The following LCT variants were observed in gnomAD, a reference collection of about 807,000 sequenced individuals.
The protein encoded by LCT is lactase, also known as lactase/phlorizin hydrolase.
Under a neutral mutation model 173.0 loss-of-function variants are expected in LCT, and 90 were observed. That is an observed-to-expected ratio of 0.52 (90% confidence interval 0.44 to 0.62). LCT has a LOEUF of 0.62. LCT is among the 20% of genes least tolerant of loss of function. LCT has a pLI of 0.00. For synonymous variants in LCT, 853 were observed against 957.6 expected (o/e 0.89, Z 2.02); for missense variants, 1,864 against 2,431.4 (o/e 0.77, Z 4.91).
In LCT at chr2:135,808,687, C is replaced by A. The variant is rs141075124; in HGVS notation, c.3660G>T (p.Arg1220Ser). The A allele has an allele frequency of 3.9e-5, 63 of 1,614,074 alleles. No individual in the cohort carries two copies. The highest frequency in any genetic ancestry group is 5.2e-5 in the Non-Finnish European group (61 of 1,180,046). The change falls in exon 8 of 17, where the codon AGG (arginine) becomes AGT (serine). Residue 1220 changes from arginine (R) to serine (S), a missense_variant. Arg to Ser is a moderately radical substitution (Grantham distance 110, BLOSUM62 -1). Coordinates refer to ENST00000264162, the MANE Select transcript of LCT (RefSeq NM_002299.4). Reference protein sequence around the residue: ...YSRIVQHKTPRLNPPSYEDDQ... With the variant: ...YSRIVQHKTPSLNPPSYEDDQ... ...CGTCTTCGTAGGAGGGTGGGTTTAG[C>A]CTGGGTGTTTTGTGCTGCACGATTC...
At chr2:135,796,197 T>C (rs2077580433) in intron 13 of LCT, among the ~76,000 whole-genome samples, 1 of 152,238 alleles carries the variant, frequency 6.6e-6, no homozygotes, top group Non-Finnish European at 1.5e-5. Context: ...ACCTGGGGCT[T>C]CTGGTTTAGG....
At chr2:135,835,529 TATC>T (rs2077981199) in intron 1 of LCT, among the ~76,000 whole-genome samples, 2 of 126,178 alleles carry the variant, frequency 1.6e-5, no homozygotes, top group African/African-American at 6.1e-5. Context: ...TATATATATA[TATC>T]AGGTACTATA....
intron 4 of LCT, 41 bp downstream of exon 4, chr2:135,823,860 C>G (rs778207701): frequency 3.1e-6 from 4 of 1,301,782 alleles, no homozygotes; most frequent in Non-Finnish European, 4.5e-6. Context: ...CACCAGTGCA[C>G]CAGATGTCAC....
At chr2:135,804,708 C>T in intron 10 of LCT, 59 bp downstream of exon 10, 1 of 1,487,360 alleles carries the variant, frequency 6.7e-7, no homozygotes, top group Non-Finnish European at 9.4e-7. Context: ...ATGTGCTCCC[C>T]CAGCCCTGCT....
intron 5 of LCT, among the ~76,000 whole-genome samples, chr2:135,818,529 A>G (rs1422538981): frequency 6.6e-6 from 1 of 152,208 alleles, no homozygotes; most frequent in East Asian, 1.9e-4. Context: ...CATCCTACAC[A>G]GGAGGAAACT....
Position 135,807,270 on chromosome 2 carries a change from C to T in LCT, c.4031G>A (p.Arg1344Lys), listed in dbSNP as rs2077684294. 1 of 1,614,110 alleles carries T rather than the reference C, an allele frequency of 6.2e-7. No homozygotes were observed. The highest frequency in any genetic ancestry group is 1.7e-5 in the Admixed American group (1 of 60,004). Residue 1344 changes from arginine to lysine, a missense_variant, in exon 9 of 17, where the codon AGG becomes AAG. By Grantham distance (26) the Arg-to-Lys change is conservative (BLOSUM62 2). Around this residue, in one of 4 missense-constraint regions of LCT, gnomAD observed 514 missense variants for 750.1 expected, o/e 0.69. Coordinates refer to ENST00000264162, the MANE Select transcript of LCT (RefSeq NM_002299.4). ...LYHVDFNNTN[R>K]PRTARASARY... is the part of the protein sequence containing the mutation. Reference sequence around the variant, plus strand: ...GGCGGAGGCTCTTGCTGTGCGAGGCCTGTTCGTGTTGTTGAAATCAACATG... The same window carrying T: ...GGCGGAGGCTCTTGCTGTGCGAGGCTTGTTCGTGTTGTTGAAATCAACATG...
At chr2:135,816,993 T>A (rs142141958) in intron 6 of LCT, among the ~76,000 whole-genome samples, 2,461 of 152,088 alleles carry the variant, frequency 0.016, 59 homozygotes, top group African/African-American at 0.056. Context: ...CTCAGTCTCC[T>A]GGGTAGGTGG....
At chr2:135,793,599 CAGCTATGGATCCAAACCAAGA>C (rs2077551397) in intron 14 of LCT, among the ~76,000 whole-genome samples, 1 of 152,146 alleles carries the variant, frequency 6.6e-6, no homozygotes, top group South Asian at 2.1e-4. Context: ...ACTAACTCTC[CAGCTATGGATCCAAACCAAGA>C]AGAAATCTCT....
In LCT at chr2:135,788,410, A is replaced by G. The variant is rs575817023; in HGVS notation, c.5698T>C (p.Phe1900Leu). 1 of 1,614,210 alleles carries G rather than the reference A, an allele frequency of 6.2e-7. No individual in the cohort carries two copies. The change falls in exon 17 of 17, where the codon TTT (phenylalanine) becomes CTT (leucine). Residue 1900 changes from phenylalanine (F) to leucine (L), a missense_variant. Transcript: ENST00000264162. Reference sequence around the variant, plus strand: ...CGCTTGCAGTACTTGTATGACAGAAATGCCAAGCCACAGACTCCAAGAAGC... The same window carrying G: ...CGCTTGCAGTACTTGTATGACAGAAGTGCCAAGCCACAGACTCCAAGAAGC... The part of the protein sequence containing the change: ...LVLLGVCGLA[F>L]LSYKYCKRSK...
chr2:135,811,576 G>A (rs1241401501), intron 7 of LCT, among the ~76,000 whole-genome samples: 1 of 152,072 alleles, frequency 6.6e-6, no homozygotes, highest in South Asian at 2.1e-4. Context: ...TGTGGCTGGA[G>A]CAATGAGGGA....
chr2:135,831,430 G>T (rs1280380258), intron 2 of LCT, among the ~76,000 whole-genome samples: 1 of 152,112 alleles, frequency 6.6e-6, no homozygotes, highest in Non-Finnish European at 1.5e-5. Context: ...AGGGTCCTGT[G>T]GGATTCGTCC....
chr2:135,811,538 A>T (rs2077734346), intron 7 of LCT, among the ~76,000 whole-genome samples: 1 of 152,196 alleles, frequency 6.6e-6, no homozygotes, highest in African/African-American at 2.4e-5. Context: ...TGTAGATTTT[A>T]TAGCCAATTA....
intron 14 of LCT, among the ~76,000 whole-genome samples, chr2:135,791,923 G>T (rs1651017215): frequency 6.6e-6 from 1 of 152,254 alleles, no homozygotes; most frequent in Admixed American, 6.5e-5. Flanking sequence ...TGGATGGACA[G>T]AACAGTGTGT....
In LCT at chr2:135,804,937, T is replaced by C. The variant is rs2105529256; in HGVS notation, c.4294A>G (p.Ile1432Val). 1 of 1,614,174 alleles carries C rather than the reference T, an allele frequency of 6.2e-7. No homozygotes were observed. Among genetic ancestry groups the C allele is most frequent in the Non-Finnish European group, 8.5e-7 (1 of 1,180,036 alleles). ...GDVACDSYHK[I>V]AEDLVTLQNL... is the part of the protein sequence containing the mutation. ...TGCAGGGTGACCAGATCCTCAGCAATCTTGTGATAACTGTCACAGGCCACG... is the reference window on the plus strand; with the variant it reads ...TGCAGGGTGACCAGATCCTCAGCAACCTTGTGATAACTGTCACAGGCCACG... The change falls in exon 10 of 17, where the codon ATT becomes GTT. Residue 1432 changes from isoleucine to valine, a missense_variant. Transcript: ENST00000264162.
In LCT at chr2:135,790,990, A is replaced by G. The variant is rs2077529916; in HGVS notation, c.5112-109T>C. The G allele has an allele frequency of 1.2e-6, 1 of 830,232 alleles. No individual in the cohort carries two copies. Among genetic ancestry groups the G allele is most frequent in the Admixed American group, 2.0e-5 (1 of 50,002 alleles). 51.4% of individuals were successfully genotyped at this position (830,232 alleles called of 1,614,324 possible). ...CCAGGAAAAGCCTTAGGTTTTGTCT[A>G]GCCTTAAGAATCATACTAAACCCAG... On this transcript the variant is annotated intron_variant, in intron 14 of 16. Transcript: ENST00000264162. The surrounding 1 kb of genome is among the most constrained non-coding windows in gnomAD (Gnocchi z 4.1).
At chr2:135,789,975 C>T (rs2077521273) in intron 15 of LCT, among the ~76,000 whole-genome samples, 177 bp from the exon 16 acceptor site, 1 of 152,158 alleles carries the variant, frequency 6.6e-6, no homozygotes, top group Non-Finnish European at 1.5e-5. Context: ...TGACTGTTAG[C>T]GGGTCCTCTG....
Position 135,790,625 on chromosome 2 carries a change from G to A in LCT, c.5335+33C>T, listed in dbSNP as rs768879433. The A allele has an allele frequency of 1.0e-5, 14 of 1,379,202 alleles. No individual in the cohort carries two copies. In the Admixed American group the frequency reaches 2.3e-4, roughly 23 times the overall value. The allele number at this position is 1,379,202 out of a possible 1,614,324, so 85.4% of individuals were successfully genotyped here. ...ATAGCAGATGTTTCCAACAGGGGAA[G>A]GTGCACGCTGGGGAAGGGCGGGCCC... On this transcript the variant is annotated intron_variant, in intron 15 of 16. Coordinates refer to ENST00000264162, the MANE Select transcript of LCT (RefSeq NM_002299.4). This position sits in a 1 kb window ranked among gnomAD's most constrained non-coding sequence, Gnocchi z 4.1.
chr2:135,810,324 T>C (rs2077724486), intron 7 of LCT: 1 of 219,146 alleles, frequency 4.6e-6, no homozygotes, highest in Non-Finnish European at 9.1e-6. Flanking sequence ...AAATTAGAAG[T>C]ATAGTCTCTG....
In LCT at chr2:135,833,516, G is replaced by A. The variant is rs146066818; in HGVS notation, c.641-326C>T. ...GGCTGGAGTGCAGTCGTGCCATCTCGGCTCACTGAAAGCTCCGCCTCCCGC... is the reference window on the plus strand; with the variant it reads ...GGCTGGAGTGCAGTCGTGCCATCTCAGCTCACTGAAAGCTCCGCCTCCCGC... On this transcript the variant is annotated intron_variant, in intron 1 of 16. Coordinates refer to ENST00000264162, the MANE Select transcript of LCT (RefSeq NM_002299.4). Among the ~76,000 whole-genome samples, 761 of 147,638 alleles carry A rather than the reference G, an allele frequency of 5.2e-3. 32 individuals are homozygous for A. Among genetic ancestry groups the A allele is most frequent in the African/African-American group, 0.018 (717 of 39,674 alleles).
Sources: allele counts gnomAD v4.1 joint callset (sites outside exome capture counted in the v4.1 genomes callset), GRCh38; gene constraint gnomAD v4.1.1; regional missense constraint gnomAD v4.1.1; non-coding constraint Gnocchi (gnomAD v3.1); transcripts MANE v1.5; gene names NCBI Gene and HGNC (gene_info 2026-07-23, HGNC 2026-07-21).